The following TCERG1L variants were observed in gnomAD, a reference collection of about 807,000 sequenced individuals.
TCERG1L encodes the protein transcription elongation regulator 1-like protein.
In TCERG1L, 37 loss-of-function variants were observed where a neutral mutation model predicts 56.3. That is an observed-to-expected ratio of 0.66 (90% CI 0.51 to 0.87). The LOEUF (loss-of-function observed/expected upper bound fraction) is 0.87. Among genes scored for constraint, TCERG1L ranks in the 40% least tolerant of loss-of-function variants. The probability of loss-of-function intolerance (pLI) is 0.00; values close to 1 mark genes in which losing one functional copy is unlikely to be tolerated. For synonymous variants in TCERG1L, 324 were observed against 326.3 expected, an observed-to-expected ratio of 0.99 and a Z score of 0.08; for missense variants, 799 against 774.2, an observed-to-expected ratio of 1.03 and a Z score of -0.38.
chr10:131,262,406 A>G (rs1430228912), intron 3 of TCERG1L, among the ~76,000 whole-genome samples: 1 of 152,230 alleles, frequency 6.6e-6, no homozygotes. Flanking sequence ...AAGTCGTGAT[A>G]ATGAACATAT....
chr10:131,219,575 G>T (rs1408903202), intron 4 of TCERG1L, among the ~76,000 whole-genome samples: 1 of 152,200 alleles, frequency 6.6e-6, no homozygotes, highest in Admixed American at 6.5e-5. Flanking sequence ...TGACCTGCGG[G>T]CTGCAGTGCA....
chr10:131,208,990 G>A (rs1012708058), intron 4 of TCERG1L, among the ~76,000 whole-genome samples: 1 of 150,662 alleles, frequency 6.6e-6, no homozygotes, highest in East Asian at 2.0e-4. Flanking sequence ...CCCGGGAGGT[G>A]GAGGTTGCAG....
At chr10:131,137,877 C>T (rs1589725702) in intron 7 of TCERG1L, among the ~76,000 whole-genome samples, 1 of 152,140 alleles carries the variant, frequency 6.6e-6, no homozygotes, top group East Asian at 1.9e-4. Context: ...GGTTGGGTCT[C>T]CACCAAGACT....
At chr10:131,205,250 C>T (rs1006518091) in intron 4 of TCERG1L, among the ~76,000 whole-genome samples, 1 of 152,100 alleles carries the variant, frequency 6.6e-6, no homozygotes, top group Non-Finnish European at 1.5e-5. Flanking sequence ...TAACCAGTGA[C>T]GTGCACGCCT....
chr10:131,169,376 AG>A (rs1846065290), intron 4 of TCERG1L, among the ~76,000 whole-genome samples: 1 of 152,140 alleles, frequency 6.6e-6, no homozygotes, highest in African/African-American at 2.4e-5. Flanking sequence ...CTGAGGCACA[AG>A]GGGGCACACA....
chr10:131,169,245 C>T (rs538606269), intron 4 of TCERG1L, among the ~76,000 whole-genome samples: 3 of 152,180 alleles, frequency 2.0e-5, no homozygotes, highest in African/African-American at 7.2e-5. Context: ...GTCACTACCT[C>T]TATGCCACAG....
At chr10:131,161,194 G>A (rs896136798) in intron 6 of TCERG1L, 1 of 152,208 alleles carries the variant, frequency 6.6e-6, no homozygotes, top group Admixed American at 6.5e-5. Context: ...ATTTGGATGT[G>A]TTTAGACACA....
intron 8 of TCERG1L, among the ~76,000 whole-genome samples, chr10:131,123,411 G>A (rs867860592): frequency 6.6e-6 from 1 of 152,096 alleles, no homozygotes; most frequent in African/African-American, 2.4e-5. Flanking sequence ...AGGAGCCCTG[G>A]GGGTATCTGG....
chr10:131,294,399 T>C (rs1414545513), intron 3 of TCERG1L, among the ~76,000 whole-genome samples: 2 of 152,182 alleles, frequency 1.3e-5, no homozygotes, highest in African/African-American at 4.8e-5. Flanking sequence ...AACTGCCCCC[T>C]CCTGATGATT....
At chr10:131,195,278 T>A (rs1845346608) in intron 4 of TCERG1L, among the ~76,000 whole-genome samples, 1 of 152,058 alleles carries the variant, frequency 6.6e-6, no homozygotes, top group Non-Finnish European at 1.5e-5. Context: ...GGCCGGTGGG[T>A]GTGGCTGTCT....
intron 6 of TCERG1L, among the ~76,000 whole-genome samples, chr10:131,157,708 T>C (rs537358955): frequency 1.2e-4 from 18 of 152,260 alleles, no homozygotes; most frequent in Non-Finnish European, 1.8e-4. Flanking sequence ...TCAAGTTTCA[T>C]TGCAACTGTT....
At chr10:131,205,717 C>A (rs1223486877) in intron 4 of TCERG1L, among the ~76,000 whole-genome samples, 1 of 152,226 alleles carries the variant, frequency 6.6e-6, no homozygotes, top group Non-Finnish European at 1.5e-5. Context: ...ATGTCCGCAG[C>A]CACCTTGCTG....
intron 4 of TCERG1L, among the ~76,000 whole-genome samples, chr10:131,193,623 C>T (rs1845327672): frequency 6.6e-6 from 1 of 152,116 alleles, no homozygotes; most frequent in Non-Finnish European, 1.5e-5. Flanking sequence ...AATGTCTTGT[C>T]AGTTTCATCA....
At chr10:131,182,343 C>T (rs562360456) in intron 4 of TCERG1L, among the ~76,000 whole-genome samples, 2 of 152,190 alleles carry the variant, frequency 1.3e-5, no homozygotes, top group Admixed American at 6.5e-5. Context: ...AGGGCAGGGC[C>T]GGGGTCTTTG....
At chr10:131,116,979 C>A in intron 8 of TCERG1L, 45 bp from the exon 9 acceptor site, 1 of 1,572,572 alleles carries the variant, frequency 6.4e-7, no homozygotes, top group Non-Finnish European at 8.6e-7. Context: ...CGTGGGGACC[C>A]AGCTGGTTTT....
chr10:131,189,959 A>T (rs961742863), intron 4 of TCERG1L, among the ~76,000 whole-genome samples: 1 of 152,248 alleles, frequency 6.6e-6, no homozygotes, highest in African/African-American at 2.4e-5. Context: ...CAAACAAAAA[A>T]ATACAAAAGA....
chr10:131,095,589 T>G (rs1845237374), intron 11 of TCERG1L: 1 of 152,194 alleles, frequency 6.6e-6, no homozygotes, highest in Admixed American at 6.5e-5. Context: ...CTGGAAAAAG[T>G]TTTTGAAATG....
chr10:131,276,885 A>G (rs2918108), intron 3 of TCERG1L, among the ~76,000 whole-genome samples: 128,477 of 152,176 alleles, frequency 0.84, 55,642 homozygotes, highest in Non-Finnish European at 0.95. Context: ...GGAAATAGCC[A>G]CTGGACCAGG....
At chr10:131,163,614 C>A in intron 5 of TCERG1L, among the ~76,000 whole-genome samples, 1 of 152,298 alleles carries the variant, frequency 6.6e-6, no homozygotes, top group African/African-American at 2.4e-5. Flanking sequence ...CATTTAGTGG[C>A]AGAGAGCCTC....
Sources: gnomAD v4.1 joint callset for allele counts (sites outside exome capture counted in the v4.1 genomes callset) on GRCh38, gnomAD v4.1.1 for gene constraint, MANE v1.5 for transcripts, NCBI Gene and HGNC (gene_info 2026-07-23, HGNC 2026-07-21) for gene names.